The following SNX14 variants were observed in gnomAD, a reference collection of about 807,000 sequenced individuals.
SNX14 encodes the protein sorting nexin-14.
A neutral mutation model predicts 133.8 loss-of-function variants in SNX14; 93 were observed. The observed-to-expected ratio is 0.70, with a 90% CI of 0.59 to 0.83. The LOEUF (loss-of-function observed/expected upper bound fraction) is 0.83. Among genes scored for constraint, SNX14 ranks in the 40% least tolerant of loss-of-function variants. SNX14 has a pLI of 0.00. For missense variants in SNX14, 945 were observed against 1,094.9 expected, an observed-to-expected ratio of 0.86 and a Z score of 1.93; for synonymous variants, 368 against 365.6, an observed-to-expected ratio of 1.01 and a Z score of -0.07.
At chr6:85,570,278 GTA>G (rs1160583437) in intron 4 of SNX14, among the ~76,000 whole-genome samples, 1 of 152,054 alleles carries the variant, frequency 6.6e-6, no homozygotes, top group Non-Finnish European at 1.5e-5. Flanking sequence ...CTGAGCACCA[GTA>G]TGTGCCAGGT....
chr6:85,580,286 G>A (rs141945519), intron 1 of SNX14, among the ~76,000 whole-genome samples: 94 of 152,138 alleles, frequency 6.2e-4, no homozygotes, highest in African/African-American at 2.2e-3. Context: ...ATCCTGGCAG[G>A]ATTCATCGTC....
chr6:85,514,378 T>C, intron 24 of SNX14, 128 bp downstream of exon 24: 1 of 1,429,296 alleles, frequency 7.0e-7, no homozygotes, highest in South Asian at 1.4e-5. Context: ...GCCAATCGTA[T>C]TGAATTATTA....
chr6:85,572,436 A>G, intron 2 of SNX14, 62 bp from the exon 3 acceptor site: 1 of 1,290,122 alleles, frequency 7.8e-7, no homozygotes, highest in African/African-American at 1.5e-5. Context: ...TTTATTTAAA[A>G]GAATCAACTT....
At position 85,564,017 on chromosome 6, in the gene SNX14, C is replaced by T. The variant is rs189110627; in HGVS notation, c.549+1315G>A. On this transcript the variant is annotated intron_variant, in intron 6 of 28. Transcript: ENST00000314673. Reference sequence around the variant, plus strand: ...ATTCCCACCTATGAGTAAGAACATGCGGTGTTTGGTTATCTGTCCTCATGA... The same window carrying T: ...ATTCCCACCTATGAGTAAGAACATGTGGTGTTTGGTTATCTGTCCTCATGA... 2.9e-3 allele frequency among the ~76,000 whole-genome samples: 435 copies of T among 152,078 alleles called. 2 individuals are homozygous for T. Among genetic ancestry groups the T allele is most frequent in the Non-Finnish European group, 5.0e-3 (343 of 68,004 alleles).
chr6:85,585,925 C>T (rs1270391335), intron 1 of SNX14, among the ~76,000 whole-genome samples: 1 of 150,476 alleles, frequency 6.6e-6, no homozygotes, highest in Non-Finnish European at 1.5e-5. Context: ...TACATATCCA[C>T]TGATGTGATG....
intron 15 of SNX14, among the ~76,000 whole-genome samples, chr6:85,541,068 A>G (rs1046479717): frequency 2.7e-5 from 4 of 149,912 alleles, no homozygotes; most frequent in Non-Finnish European, 5.9e-5. Flanking sequence ...ATCTTGGCTC[A>G]TTGCAACCTC....
At chr6:85,561,005 G>A (rs1196357145) in intron 6 of SNX14, among the ~76,000 whole-genome samples, 2 of 147,540 alleles carry the variant, frequency 1.4e-5, no homozygotes, top group African/African-American at 5.0e-5. Flanking sequence ...CTGCACTCCA[G>A]CCTGGGTGAC....
chr6:85,517,801 T>A lies in SNX14; in HGVS notation c.2223A>T (p.Arg741Ser). Residue 741 changes from arginine to serine, a missense_variant, in exon 23 of 29, where the codon AGA (arginine) becomes AGT (serine). Physicochemically the swap from Arg to Ser is moderately radical, Grantham distance 110 (BLOSUM62 -1). This residue lies in a region of SNX14 where 412 missense variants were observed against 516.6 expected (regional missense o/e 0.80). Transcript: ENST00000314673. ...SCESPKPKPS[R>S]PELTILSPTS... ...TAGGGCTGAGAATGGTCAGTTCTGG[T>A]CTACTTGGTTTAGGCTTTGGAGACT... 2.5e-6 allele frequency: 4 copies of A among 1,610,996 alleles called. No individual in the cohort carries two copies. The highest frequency in any genetic ancestry group is 3.4e-6 in the Non-Finnish European group (4 of 1,179,182).
rs1175860662 is a variant in SNX14, at chr6:85,505,629, C to T, written c.*338G>A. ...AAATCAGATCTTATTCCTGTTTCTC[C>T]ATACTAGGCATAATTATTTTCAAAG... On this transcript the variant is annotated 3_prime_UTR_variant, in exon 29 of 29. Coordinates refer to ENST00000314673, the MANE Select transcript of SNX14 (RefSeq NM_153816.6). 9.4e-6 allele frequency: 2 copies of T among 213,490 alleles called. No individual in the cohort carries two copies. The highest frequency in any genetic ancestry group is 4.7e-5 in the African/African-American group (2 of 42,730). 13.2% of individuals were successfully genotyped at this position (213,490 alleles called of 1,614,324 possible).
chr6:85,557,417 T>C (rs1299402598), intron 7 of SNX14, among the ~76,000 whole-genome samples: 1 of 152,164 alleles, frequency 6.6e-6, no homozygotes, highest in Non-Finnish European at 1.5e-5. Context: ...AATGAACATA[T>C]GCTATGTGCA....
chr6:85,584,330 C>T (rs185531283), intron 1 of SNX14, among the ~76,000 whole-genome samples: 55 of 152,236 alleles, frequency 3.6e-4, no homozygotes, highest in Admixed American at 5.2e-4. Flanking sequence ...ATTTAGGACA[C>T]AGGCATGGGC....
intron 1 of SNX14, among the ~76,000 whole-genome samples, chr6:85,588,361 C>G (rs1452272869): frequency 1.3e-5 from 2 of 152,004 alleles, no homozygotes; most frequent in African/African-American, 4.8e-5. Context: ...ATCACAAGGT[C>G]AGGAGACCGA....
chr6:85,561,375 T>A (rs572288225), intron 6 of SNX14: 14 of 151,244 alleles, frequency 9.3e-5, no homozygotes, highest in Admixed American at 8.6e-4. Context: ...AGGGAAAAGG[T>A]TAACACAGAA....
In SNX14 at chr6:85,507,984, G is replaced by T; in HGVS notation, c.2729C>A (p.Pro910Gln). The change falls in exon 27 of 29, where the codon CCA (proline) becomes CAA (glutamine). Residue 910 changes from proline to glutamine, a missense_variant. Physicochemically the swap from Pro to Gln is moderately conservative, Grantham distance 76. Coordinates refer to ENST00000314673, the MANE Select transcript of SNX14 (RefSeq NM_153816.6). ...GAGCTTTACCTGCTTGTTGAGTACT[G>T]GTTGCTGTAAGCCATCAAACAGAAG... ...IRLLFDGLQQ[P>Q]VLNKQLTYVL... The T allele has an allele frequency of 6.2e-7, 1 of 1,613,352 alleles. No homozygotes were observed. Among genetic ancestry groups the T allele is most frequent in the Non-Finnish European group, 8.5e-7 (1 of 1,179,614 alleles).
chr6:85,556,155 A>G (rs1256682892), intron 7 of SNX14, among the ~76,000 whole-genome samples: 1 of 152,196 alleles, frequency 6.6e-6, no homozygotes, highest in Non-Finnish European at 1.5e-5. Flanking sequence ...CTGCTCAATA[A>G]TTCTTCTGTG....
intron 7 of SNX14, among the ~76,000 whole-genome samples, chr6:85,553,850 T>C (rs1001406632): frequency 6.6e-6 from 1 of 151,546 alleles, no homozygotes; most frequent in African/African-American, 2.4e-5. Flanking sequence ...TAATGTAATA[T>C]AGAAAAGTAA....
rs545104465 is a variant in SNX14, at chr6:85,592,265, C to T, written c.140+1314G>A. 2.9e-3 allele frequency among the ~76,000 whole-genome samples: 435 copies of T among 152,270 alleles called. 2 individuals are homozygous for T. The highest frequency in any genetic ancestry group is 5.3e-3 in the Non-Finnish European group (360 of 68,026). On this transcript the variant is annotated intron_variant, in intron 1 of 28. Coordinates refer to ENST00000314673, the MANE Select transcript of SNX14 (RefSeq NM_153816.6). ...ACCAAGAATCAACAAGAAAGCAAGG[C>T]CACTTTTAGGGAAGAAATCTAACTT...
chr6:85,554,695 T>C (rs1789049772), intron 7 of SNX14, among the ~76,000 whole-genome samples: 1 of 152,188 alleles, frequency 6.6e-6, no homozygotes, highest in Admixed American at 6.5e-5. Context: ...CAATCTAGCA[T>C]TTTAGGGTGA....
At position 85,593,739 on chromosome 6, in the gene SNX14, G is replaced by A. The variant is rs1803771665; in HGVS notation, c.-21C>T. On this transcript the variant is annotated 5_prime_UTR_variant, in exon 1 of 29. Transcript: ENST00000314673. The stretch of plus-strand genomic sequence containing the variant: ...ACCATCTCCGTAACGGCGAGGCCGA[G>A]ACTGCGCTACTGGCTGAGGCAGAGG... 1.9e-6 allele frequency: 3 copies of A among 1,613,104 alleles called. No homozygotes were observed. The highest frequency in any genetic ancestry group is 2.5e-6 in the Non-Finnish European group (3 of 1,179,900).
Sources: gnomAD v4.1 joint callset for allele counts (sites outside exome capture counted in the v4.1 genomes callset) on GRCh38, gnomAD v4.1.1 for gene constraint, gnomAD v4.1.1 regional missense constraint, MANE v1.5 for transcripts, NCBI Gene and HGNC (gene_info 2026-07-23, HGNC 2026-07-21) for gene names.